Variants in PARD3 observed in about 807,000 individuals in gnomAD.
PARD3 encodes partitioning defective 3 homolog.
Under a neutral mutation model 155.4 loss-of-function variants are expected in PARD3, and 75 were observed. The observed-to-expected ratio is 0.48, with a 90% CI of 0.40 to 0.58. The LOEUF (loss-of-function observed/expected upper bound fraction) is 0.58. Ranked by LOEUF, PARD3 falls within the 20% of genes least tolerant of loss-of-function variation. PARD3 has a pLI of 0.00. For missense variants in PARD3, 1,642 were observed against 1,721.7 expected (o/e 0.95, Z 0.82); for synonymous variants, 576 against 610.5 (o/e 0.94, Z 0.83).
intron 1 of PARD3, among the ~76,000 whole-genome samples, chr10:34,731,842 A>T (rs1255589106): frequency 6.6e-6 from 1 of 151,672 alleles, no homozygotes; most frequent in Non-Finnish European, 1.5e-5. Flanking sequence ...AATATTTACA[A>T]GAGAGGAGTG....
At chr10:34,669,032 T>A (rs1241341651) in intron 2 of PARD3, among the ~76,000 whole-genome samples, 1 of 152,096 alleles carries the variant, frequency 6.6e-6, no homozygotes, top group Non-Finnish European at 1.5e-5. Flanking sequence ...TAGTACAAAC[T>A]CTATGAAAAA....
intron 2 of PARD3, among the ~76,000 whole-genome samples, chr10:34,671,454 T>A (rs1246768593): frequency 6.6e-6 from 1 of 152,108 alleles, no homozygotes; most frequent in Non-Finnish European, 1.5e-5. Context: ...ATCTTAATTT[T>A]AAAAAAACTT....
chr10:34,427,008 C>T (rs577311127), intron 5 of PARD3, among the ~76,000 whole-genome samples: 1 of 152,310 alleles, frequency 6.6e-6, no homozygotes, highest in African/African-American at 2.4e-5. Flanking sequence ...ATTTCCTATG[C>T]CTGACTTTAC....
intron 4 of PARD3, among the ~76,000 whole-genome samples, chr10:34,454,245 C>A (rs976171531): frequency 6.6e-6 from 1 of 152,038 alleles, no homozygotes; most frequent in Non-Finnish European, 1.5e-5. Flanking sequence ...CAATGTGTAT[C>A]AAGTGCATAC....
intron 2 of PARD3, among the ~76,000 whole-genome samples, chr10:34,572,357 G>C (rs779690163): frequency 5.3e-5 from 8 of 151,886 alleles, no homozygotes; most frequent in Non-Finnish European, 1.2e-4. Flanking sequence ...ACCTAAAGAG[G>C]TGCAGACACG....
At chr10:34,605,804 C>A (rs1368260979) in intron 2 of PARD3, among the ~76,000 whole-genome samples, 1 of 20,872 alleles carries the variant, frequency 4.8e-5, no homozygotes, top group Admixed American at 7.1e-4. Flanking sequence ...ATATATATAT[C>A]TCCTATATAT....
At chr10:34,284,304 T>G in intron 20 of PARD3, 59 bp from the exon 21 acceptor site, 1 of 1,018,104 alleles carries the variant, frequency 9.8e-7, no homozygotes, top group Middle Eastern at 2.2e-4. Context: ...TTCTTTTGTT[T>G]GTGGTAATGA....
At position 34,662,937 on chromosome 10, in the gene PARD3, G is replaced by A. The variant is rs377304502; in HGVS notation, c.222+33381C>T. Among the ~76,000 whole-genome samples, 21 of 150,694 alleles carry A rather than the reference G, an allele frequency of 1.4e-4. No individual in the cohort carries two copies. The East Asian group carries it at 3.7e-3, about 27-fold the overall frequency. On this transcript the variant is annotated intron_variant, in intron 2 of 24. Transcript: ENST00000374788. ...AAGTGAAACAAGCCAGGCACAGAAA[G>A]ACAAACATTGCATGTTCTCACTCAT...
intron 22 of PARD3, among the ~76,000 whole-genome samples, chr10:34,150,112 T>C (rs1035855337): frequency 2.6e-5 from 4 of 152,356 alleles, no homozygotes; most frequent in South Asian, 4.1e-4. Flanking sequence ...TAATTTCTTC[T>C]GATACCCCTT....
chr10:34,199,165 A>G (rs1207958160), intron 22 of PARD3, among the ~76,000 whole-genome samples: 2 of 152,020 alleles, frequency 1.3e-5, no homozygotes, highest in African/African-American at 2.4e-5. Context: ...TCCCAGCATC[A>G]CCTCATCTCA....
intron 5 of PARD3, among the ~76,000 whole-genome samples, chr10:34,439,453 T>C (rs1018573486): frequency 6.6e-6 from 1 of 151,366 alleles, no homozygotes; most frequent in East Asian, 1.9e-4. Flanking sequence ...AATAAAAACA[T>C]TTTTTAATTT....
chr10:34,611,556 T>G (rs1313910469), intron 2 of PARD3, among the ~76,000 whole-genome samples: 1 of 152,116 alleles, frequency 6.6e-6, no homozygotes, highest in Non-Finnish European at 1.5e-5. Context: ...AAAATTAACT[T>G]GACAAATCAC....
intron 1 of PARD3, among the ~76,000 whole-genome samples, chr10:34,724,248 T>C (rs1040161652): frequency 9.9e-5 from 15 of 152,174 alleles, no homozygotes; most frequent in African/African-American, 3.6e-4. Flanking sequence ...CAATGCAGTA[T>C]GGTTGGAAAC....
chr10:34,374,759 T>C (rs551390493), intron 11 of PARD3, 115 bp downstream of exon 11: 22 of 973,024 alleles, frequency 2.3e-5, no homozygotes, highest in Non-Finnish European at 3.1e-5. Flanking sequence ...GAAAGAAATA[T>C]AAGATCTAGA....
chr10:34,254,831 T>C (rs1177894074), intron 22 of PARD3, among the ~76,000 whole-genome samples: 1 of 152,140 alleles, frequency 6.6e-6, no homozygotes, highest in Non-Finnish European at 1.5e-5. Flanking sequence ...CACAGTCAAA[T>C]TGTGGGGAAG....
intron 5 of PARD3, among the ~76,000 whole-genome samples, chr10:34,406,329 AT>A (rs1844471759): frequency 6.6e-6 from 1 of 152,190 alleles, no homozygotes; most frequent in Non-Finnish European, 1.5e-5. Context: ...ACACTTTCTT[AT>A]ATAAAGCTCT....
At chr10:34,136,959 C>T (rs1278370759) in intron 22 of PARD3, among the ~76,000 whole-genome samples, 1 of 152,192 alleles carries the variant, frequency 6.6e-6, no homozygotes, top group African/African-American at 2.4e-5. Flanking sequence ...TTGTATGTCA[C>T]TTCCCTGTGG....
chr10:34,162,854 AACAG>A (rs2133059500), intron 22 of PARD3, among the ~76,000 whole-genome samples: 1 of 152,284 alleles, frequency 6.6e-6, no homozygotes, highest in South Asian at 2.1e-4. Flanking sequence ...ACACACTTCC[AACAG>A]GACTGTGAGA....
chr10:34,498,347 T>C (rs1467794075), intron 3 of PARD3, among the ~76,000 whole-genome samples: 1 of 152,158 alleles, frequency 6.6e-6, no homozygotes. Flanking sequence ...ATCTAGAAAA[T>C]AATCCACGGA....
Sources: gnomAD v4.1 joint callset for allele counts (sites outside exome capture counted in the v4.1 genomes callset) on GRCh38, gnomAD v4.1.1 for gene constraint, MANE v1.5 for transcripts, NCBI Gene and HGNC (gene_info 2026-07-23, HGNC 2026-07-21) for gene names.